Variants in NET1 observed in about 807,000 individuals in gnomAD.
NET1 encodes the protein neuroepithelial cell transforming 1.
Under a neutral mutation model 61.1 loss-of-function variants are expected in NET1, and 42 were observed. The observed-to-expected ratio is 0.69, with a 90% CI of 0.54 to 0.89. NET1 has a LOEUF of 0.89. Among genes scored for constraint, NET1 ranks in the 40% least tolerant of loss-of-function variants. The pLI is 0.00. For missense variants in NET1, 654 were observed against 747.3 expected (o/e 0.88, Z 1.46); for synonymous variants, 254 against 281.8 (o/e 0.90, Z 0.99).
In NET1 at chr10:5,446,772, G is replaced by C; in HGVS notation, c.256-5058G>C. 6.2e-7 allele frequency: 1 copy of C among 1,601,846 alleles called. No homozygotes were observed. The highest frequency in any genetic ancestry group is 8.5e-7 in the Non-Finnish European group (1 of 1,172,928). On this transcript the variant is annotated intron_variant, in intron 3 of 11. Coordinates refer to ENST00000355029, the MANE Select transcript of NET1 (RefSeq NM_001047160.3). This position sits in a 1 kb window ranked among gnomAD's most constrained non-coding sequence, Gnocchi z 5.0. ...GAGGGAGTACTTGGGAAGCATGGTG[G>C]CACATGATGAGACTGGAGGTCTCCT...
intron 3 of NET1, among the ~76,000 whole-genome samples, chr10:5,432,367 T>C (rs977951634): frequency 2.0e-5 from 3 of 152,230 alleles, no homozygotes; most frequent in African/African-American, 7.2e-5. Flanking sequence ...AATTATGCAT[T>C]TGATTTATAC....
chr10:5,417,508 A>G lies in NET1; in HGVS notation c.128+4688A>G, dbSNP rs748306933. On this transcript the variant is annotated intron_variant, in intron 1 of 11. Coordinates refer to ENST00000355029, the MANE Select transcript of NET1 (RefSeq NM_001047160.3). This position sits in a 1 kb window ranked among gnomAD's most constrained non-coding sequence, Gnocchi z 5.5. The stretch of plus-strand genomic sequence containing the variant: ...AATTGTATAGGAATACATACAATTG[A>G]TTTTTGTATATCGATCTTGGATCCT... Among the ~76,000 whole-genome samples the G allele has an allele frequency of 1.3e-4, 20 of 152,170 alleles. No homozygotes were observed. Among genetic ancestry groups the G allele is most frequent in the Non-Finnish European group, 2.8e-4 (19 of 68,032 alleles).
rs894679662 is a variant in NET1, at chr10:5,427,119, G to A, written c.195+398G>A. On this transcript the variant is annotated intron_variant, in intron 2 of 11. Transcript: ENST00000355029. This position sits in a 1 kb window ranked among gnomAD's most constrained non-coding sequence, Gnocchi z 4.1. ...TGTATATATATTTAATATATATAAT[G>A]AATGATTTTCTGCTATTAATCATCT... Among the ~76,000 whole-genome samples, 1 of 151,584 alleles carries A rather than the reference G, an allele frequency of 6.6e-6. No homozygotes were observed. The highest frequency in any genetic ancestry group is 1.5e-5 in the Non-Finnish European group (1 of 67,904).
In NET1 at chr10:5,420,796, A is replaced by G. The variant is rs571388936; in HGVS notation, c.129-5859A>G. 2.0e-5 allele frequency among the ~76,000 whole-genome samples: 3 copies of G among 152,102 alleles called. No homozygotes were observed. The highest frequency in any genetic ancestry group is 1.9e-4 in the East Asian group (1 of 5,164). On this transcript the variant is annotated intron_variant, in intron 1 of 11. Transcript: ENST00000355029. This position sits in a 1 kb window ranked among gnomAD's most constrained non-coding sequence, Gnocchi z 5.3. ...TTTTTAGTAGAGACGGGGTTTCACC[A>G]TGTTGGCCAGGATGGTTTTGATCTC...
At chr10:5,430,690 C>T (rs1038576678) in intron 3 of NET1, among the ~76,000 whole-genome samples, 5 of 151,842 alleles carry the variant, frequency 3.3e-5, no homozygotes, top group Admixed American at 6.6e-5. Flanking sequence ...TAATAAAATA[C>T]ACTTTCTACA....
At position 5,456,759 on chromosome 10, in the gene NET1, A is replaced by G; in HGVS notation, c.1556A>G (p.His519Arg). 1 of 1,613,972 alleles carries G rather than the reference A, an allele frequency of 6.2e-7. No individual in the cohort carries two copies. ...GAGCTGCAGGGCCTGCCGGAGCTGC[A>G]CGAAGAGTGTGAGGGGAACCACCCC... The part of the protein sequence containing the change: ...PPELQGLPEL[H>R]EECEGNHPSA... Residue 519 changes from histidine to arginine, a missense_variant, in exon 12 of 12, where the codon CAC becomes CGC. Physicochemically the swap from His to Arg is conservative, Grantham distance 29 (BLOSUM62 0). Transcript: ENST00000355029. This position sits in a 1 kb window ranked among gnomAD's most constrained non-coding sequence, Gnocchi z 7.0.
rs1166545349 is a variant in NET1 at position 5,439,069 on chromosome 10, A to G, written c.255+9840A>G. Among the ~76,000 whole-genome samples, 1 of 152,200 alleles carries G rather than the reference A, an allele frequency of 6.6e-6. No homozygotes were observed. Among genetic ancestry groups the G allele is most frequent in the Non-Finnish European group, 1.5e-5 (1 of 68,026 alleles). ...GGCCCATCCATATGCCTCTTCTCCA[A>G]AATTGATTTCTACCTTTTCAATCTT... On this transcript the variant is annotated intron_variant, in intron 3 of 11. Transcript: ENST00000355029. The surrounding 1 kb of genome is among the most constrained non-coding windows in gnomAD (Gnocchi z 4.8).
In NET1 at chr10:5,447,197, T is replaced by C. The variant is rs1216552274; in HGVS notation, c.256-4633T>C. 1.3e-5 allele frequency among the ~76,000 whole-genome samples: 2 copies of C among 152,230 alleles called. No individual in the cohort carries two copies. Among genetic ancestry groups the C allele is most frequent in the African/African-American group, 4.8e-5 (2 of 41,462 alleles). ...TATCATCCAGTCTTAGAAACTACCT[T>C]AATGGAGCAAGAGGAAAAGAATCCC... On this transcript the variant is annotated intron_variant, in intron 3 of 11. Transcript: ENST00000355029. The surrounding 1 kb of genome is among the most constrained non-coding windows in gnomAD (Gnocchi z 4.1).
At position 5,422,492 on chromosome 10, in the gene NET1, G is replaced by A. The variant is rs7477483; in HGVS notation, c.129-4163G>A. On this transcript the variant is annotated intron_variant, in intron 1 of 11. Transcript: ENST00000355029. This position sits in a 1 kb window ranked among gnomAD's most constrained non-coding sequence, Gnocchi z 4.1. ...GAGTACTGGATTGTTAATGATGGAA[G>A]CCTTCAGAATTTCTCTTTCCTTCTG... Among the ~76,000 whole-genome samples the A allele has an allele frequency of 6.6e-6, 1 of 152,186 alleles. No homozygotes were observed. Among genetic ancestry groups the A allele is most frequent in the African/African-American group, 2.4e-5 (1 of 41,446 alleles).
rs183816882 is a variant in NET1, at chr10:5,421,512, A to T, written c.129-5143A>T. The stretch of plus-strand genomic sequence containing the variant: ...ACAGTGGATATCCAGTTAAAGGTAT[A>T]GCCTTAAATCAATTCTTGACAACCC... On this transcript the variant is annotated intron_variant, in intron 1 of 11. Transcript: ENST00000355029. The surrounding 1 kb of genome is among the most constrained non-coding windows in gnomAD (Gnocchi z 4.2). Among the ~76,000 whole-genome samples, 1 of 152,368 alleles carries T rather than the reference A, an allele frequency of 6.6e-6. No homozygotes were observed. The highest frequency in any genetic ancestry group is 1.5e-5 in the Non-Finnish European group (1 of 68,040).
At position 5,458,720 on chromosome 10, in the gene NET1, A is replaced by G. The variant is rs1428370464; in HGVS notation, c.*1726A>G. Among the ~76,000 whole-genome samples the G allele has an allele frequency of 6.6e-6, 1 of 152,228 alleles. No homozygotes were observed. The highest frequency in any genetic ancestry group is 2.4e-5 in the African/African-American group (1 of 41,454). On this transcript the variant is annotated 3_prime_UTR_variant, in exon 12 of 12. Coordinates refer to ENST00000355029, the MANE Select transcript of NET1 (RefSeq NM_001047160.3). The surrounding 1 kb of genome is among the most constrained non-coding windows in gnomAD (Gnocchi z 4.5). ...ACTTTCTGGATAGGATAGTAAGGGT[A>G]GTAGTGGCAAAGGATCCTGATTAAT...
chr10:5,433,221 C>A (rs994811790), intron 3 of NET1, among the ~76,000 whole-genome samples: 19 of 152,246 alleles, frequency 1.2e-4, no homozygotes, highest in African/African-American at 4.6e-4. Flanking sequence ...TTCTCAGCAC[C>A]AGTCCTCATG....
intron 1 of NET1, among the ~76,000 whole-genome samples, chr10:5,413,137 A>T (rs1018613429): frequency 6.6e-6 from 1 of 151,584 alleles, no homozygotes; most frequent in African/African-American, 2.4e-5. Flanking sequence ...CCAAACTGCG[A>T]TTTTCCCTGC....
rs1016548138 is a variant in NET1, at chr10:5,424,436, C to T, written c.129-2219C>T. Among the ~76,000 whole-genome samples the T allele has an allele frequency of 6.6e-6, 1 of 152,022 alleles. No individual in the cohort carries two copies. The highest frequency in any genetic ancestry group is 1.5e-5 in the Non-Finnish European group (1 of 67,996). On this transcript the variant is annotated intron_variant, in intron 1 of 11. Coordinates refer to ENST00000355029, the MANE Select transcript of NET1 (RefSeq NM_001047160.3). The surrounding 1 kb of genome is among the most constrained non-coding windows in gnomAD (Gnocchi z 6.1). ...TTACCATTTGTTTATGATAGTAATC[C>T]TATGTATTTCTTGATACAAATTATA...
At chr10:5,419,691 GT>G (rs71388429) in intron 1 of NET1, among the ~76,000 whole-genome samples, 147,076 of 152,034 alleles carry the variant, frequency 0.97, 71,229 homozygotes, top group Non-Finnish European at 0.99. Flanking sequence ...TTCTCTGTTT[GT>G]TTTTTTTCTT....
chr10:5,433,692 A>AT (rs1832382794), intron 3 of NET1, among the ~76,000 whole-genome samples: 1 of 152,110 alleles, frequency 6.6e-6, no homozygotes, highest in Admixed American at 6.5e-5. Context: ...ATAAATGTGT[A>AT]GTTTCAGGTC....
At chr10:5,448,508 TA>T (rs1832652857) in intron 3 of NET1, among the ~76,000 whole-genome samples, 1 of 152,196 alleles carries the variant, frequency 6.6e-6, no homozygotes, top group Non-Finnish European at 1.5e-5. Flanking sequence ...CTAGTCTGAT[TA>T]AAAATTAACC....
intron 1 of NET1, among the ~76,000 whole-genome samples, chr10:5,425,271 C>CAAA (rs940811754): frequency 4.5e-3 from 2 of 440 alleles, no homozygotes; most frequent in Non-Finnish European, 0.042. Context: ...AAAACAAAAA[C>CAAA]AACAACAACA....
rs527266291 is a variant in NET1 at position 5,456,788 on chromosome 10, G to T, written c.1585G>T (p.Ala529Ser). The T allele has an allele frequency of 1.2e-6, 2 of 1,613,322 alleles. No individual in the cohort carries two copies. The highest frequency in any genetic ancestry group is 4.5e-5 in the East Asian group (2 of 44,878). The change falls in exon 12 of 12, where the codon GCG (alanine) becomes TCG (serine). Residue 529 changes from alanine to serine, a missense_variant. Physicochemically the swap from Ala to Ser is moderately conservative, Grantham distance 99 (BLOSUM62 1). Coordinates refer to ENST00000355029, the MANE Select transcript of NET1 (RefSeq NM_001047160.3). The surrounding 1 kb of genome is among the most constrained non-coding windows in gnomAD (Gnocchi z 7.0). ...AGAGTGTGAGGGGAACCACCCCTCT[G>T]CGAGGAAACTCACAGCCCAGAGGAG... ...HEECEGNHPS[A>S]RKLTAQRRAS...
Sources: allele counts gnomAD v4.1 joint callset (sites outside exome capture counted in the v4.1 genomes callset), GRCh38; gene constraint gnomAD v4.1.1; non-coding constraint Gnocchi (gnomAD v3.1); transcripts MANE v1.5; gene names NCBI Gene and HGNC (gene_info 2026-07-23, HGNC 2026-07-21).